The following SMCO4 variants were observed in gnomAD, a reference collection of about 807,000 sequenced individuals.
SMCO4 encodes single-pass membrane protein with coiled-coil domains 4.
In SMCO4, 4 loss-of-function variants were observed where a neutral mutation model predicts 3.6. That is an observed-to-expected ratio of 1.11 (90% CI 0.54 to 2.53). The LOEUF is 2.53. SMCO4 is among the 30% of genes most tolerant of loss of function. The probability of loss-of-function intolerance (pLI) is 0.02; values close to 1 mark genes in which losing one functional copy is unlikely to be tolerated. For missense variants in SMCO4, 70 were observed against 80.8 expected (o/e 0.87, Z 0.51); for synonymous variants, 36 against 35.3 (o/e 1.02, Z -0.07).
rs58462328 is a variant in SMCO4, at chr11:93,514,413, T to TATATACACAC, written c.-153-15066_-153-15065insGTGTGTATAT. Among the ~76,000 whole-genome samples, 101 of 33,952 alleles carry TATATACACAC rather than the reference T, an allele frequency of 3.0e-3. 5 individuals carry two copies. The highest frequency in any genetic ancestry group is 7.9e-3 in the African/African-American group (85 of 10,712). The allele number at this position is 33,952 out of a possible 152,430, so 22.3% of individuals were successfully genotyped here. A position where few individuals can be genotyped will look rare whatever the true frequency, so the allele number is the denominator to read the frequency against. ...ATATATATATATATATATATATATA[T>TATATACACAC]ATATATATAAAATTTGGTCTCTTCC... On this transcript the variant is annotated intron_variant, in intron 1 of 2. Transcript: ENST00000298966.
intron 1 of SMCO4, among the ~76,000 whole-genome samples, chr11:93,514,422 A>ATATATACACATATATAT (rs1948990819): frequency 2.9e-5 from 3 of 103,896 alleles, no homozygotes; most frequent in African/African-American, 7.6e-5. Context: ...ATATATATAT[A>ATATATACACATATATAT]AAATTTGGTC....
chr11:93,534,373 TATAGAGAG>T (rs1307443984), intron 1 of SMCO4, among the ~76,000 whole-genome samples: 5 of 134,184 alleles, frequency 3.7e-5, no homozygotes, highest in South Asian at 4.7e-4. Flanking sequence ...TATATATATA[TATAGAGAG>T]AGAGAGAGAG....
upstream of SMCO4, among the ~76,000 whole-genome samples, chr11:93,547,502 T>A (rs1949322896): frequency 6.6e-6 from 1 of 152,210 alleles, no homozygotes; most frequent in Non-Finnish European, 1.5e-5. Flanking sequence ...TTTTTTTCAC[T>A]GTTCTCATCA....
chr11:93,482,279 A>T (rs1427255548), intron 2 of SMCO4, among the ~76,000 whole-genome samples: 1 of 152,222 alleles, frequency 6.6e-6, no homozygotes, highest in East Asian at 1.9e-4. Flanking sequence ...GAAGAGCACC[A>T]GGCAGAGGGC....
At chr11:93,514,400 A>ATATATATATATATATATG (rs1948987615) in intron 1 of SMCO4, among the ~76,000 whole-genome samples, 1 of 95,878 alleles carries the variant, frequency 1.0e-5, no homozygotes, top group African/African-American at 4.2e-5. Context: ...ATATATATAT[A>ATATATATATATATATATG]TATATATATA....
At chr11:93,552,905 T>C in the SMCO4 span, among the ~76,000 whole-genome samples, 3 of 152,214 alleles carry the variant, frequency 2.0e-5, no homozygotes, top group Non-Finnish European at 4.4e-5. Context: ...TACAGCCTGC[T>C]GGGTTATTTC....
intron 2 of SMCO4, among the ~76,000 whole-genome samples, chr11:93,486,449 C>T (rs577549868): frequency 3.7e-4 from 56 of 152,308 alleles, no homozygotes; most frequent in African/African-American, 1.3e-3. Context: ...CACAAGCCTT[C>T]TTGGTATGTC....
rs1271205813 is a variant in SMCO4 at position 93,514,421 on chromosome 11, T to TATAA, written c.-153-15074_-153-15073insTTAT. On this transcript the variant is annotated intron_variant, in intron 1 of 2. Coordinates refer to ENST00000298966, the MANE Select transcript of SMCO4 (RefSeq NM_020179.3). Reference sequence around the variant, plus strand: ...ATATATATATATATATATATATATATAAAATTTGGTCTCTTCCAAAGATCA... The same window carrying TATAA: ...ATATATATATATATATATATATATATATAAAAAATTTGGTCTCTTCCAAAGATCA... Among the ~76,000 whole-genome samples the TATAA allele has an allele frequency of 2.3e-3, 121 of 53,406 alleles. 2 individuals carry two copies. Among genetic ancestry groups the TATAA allele is most frequent in the African/African-American group, 7.6e-3 (106 of 13,928 alleles). 35.0% of individuals were successfully genotyped at this position (53,406 alleles called of 152,430 possible).
At chr11:93,488,633 A>G (rs1174923917) in intron 2 of SMCO4, among the ~76,000 whole-genome samples, 1 of 152,110 alleles carries the variant, frequency 6.6e-6, no homozygotes, top group Admixed American at 6.5e-5. Flanking sequence ...GGGAAGTTGC[A>G]AGGGGGTGTG....
intron 1 of SMCO4, among the ~76,000 whole-genome samples, chr11:93,522,365 C>G (rs1313076981): frequency 6.6e-6 from 1 of 152,164 alleles, no homozygotes; most frequent in Non-Finnish European, 1.5e-5. Context: ...TACAAGGGAC[C>G]TACCTGGTAC....
At chr11:93,512,050 A>G (rs1948962604) in intron 1 of SMCO4, among the ~76,000 whole-genome samples, 1 of 152,178 alleles carries the variant, frequency 6.6e-6, no homozygotes, top group Admixed American at 6.5e-5. Context: ...GTCTTTATTT[A>G]GAAGTTTGGT....
At chr11:93,485,189 G>A (rs11604909) in intron 2 of SMCO4, among the ~76,000 whole-genome samples, 45 of 152,028 alleles carry the variant, frequency 3.0e-4, no homozygotes, top group African/African-American at 9.6e-4. Flanking sequence ...TACTTTTACC[G>A]GACAGCTTGC....
chr11:93,539,844 G>T (rs146751713), intron 1 of SMCO4, among the ~76,000 whole-genome samples: 1 of 151,824 alleles, frequency 6.6e-6, no homozygotes, highest in East Asian at 1.9e-4. Flanking sequence ...AGCTTTGACC[G>T]TCAGCCAGCC....
intron 2 of SMCO4, chr11:93,481,334 AG>A (rs1948589719): frequency 1.6e-6 from 1 of 613,804 alleles, no homozygotes; most frequent in Non-Finnish European, 2.0e-6. Flanking sequence ...GACGCGGTAC[AG>A]GTGGGCTGAG....
chr11:93,548,497 C>A, the SMCO4 span, among the ~76,000 whole-genome samples: 6 of 152,154 alleles, frequency 3.9e-5, no homozygotes, highest in African/African-American at 1.4e-4. Context: ...AATCATGTAG[C>A]CTGTTTCCTT....
chr11:93,517,548 C>A (rs1373902798), intron 1 of SMCO4, among the ~76,000 whole-genome samples: 1 of 152,144 alleles, frequency 6.6e-6, no homozygotes, highest in Non-Finnish European at 1.5e-5. Flanking sequence ...GAAATCAACT[C>A]CAATTTCTCT....
rs117747597 is a variant in SMCO4, at chr11:93,540,022, A to C, written c.-154+3254T>G. On this transcript the variant is annotated intron_variant, in intron 1 of 2. Coordinates refer to ENST00000298966, the MANE Select transcript of SMCO4 (RefSeq NM_020179.3). ...AGGGAAACCAGCTACATCCATTTTC[A>C]ACTTTCTATCAAAGACCTGTCCTTT... Among the ~76,000 whole-genome samples the C allele has an allele frequency of 6.3e-3, 954 of 151,430 alleles. 4 individuals are homozygous for C. The highest frequency in any genetic ancestry group is 0.011 in the Middle Eastern group (3 of 284).
intron 2 of SMCO4, among the ~76,000 whole-genome samples, chr11:93,491,080 G>A (rs555610725): frequency 6.6e-6 from 1 of 152,364 alleles, no homozygotes; most frequent in East Asian, 1.9e-4. Flanking sequence ...ATCCAAACCT[G>A]TAGGTTCCCT....
rs1982517 is a variant in SMCO4 at position 93,501,394 on chromosome 11, G to A, written c.-153-2046C>T. Among the ~76,000 whole-genome samples the A allele has an allele frequency of 2.9e-3, 436 of 152,320 alleles. 1 individual carries two copies. Among genetic ancestry groups the A allele is most frequent in the African/African-American group, 0.01 (420 of 41,570 alleles). On this transcript the variant is annotated intron_variant, in intron 1 of 2. Transcript: ENST00000298966. The stretch of plus-strand genomic sequence containing the variant: ...TATTAATTCTGAAGGTCAGAAGTCT[G>A]AAATAAACAGGCAATGCCATGCTCC...
Sources: allele counts gnomAD v4.1 joint callset (sites outside exome capture counted in the v4.1 genomes callset), GRCh38; gene constraint gnomAD v4.1.1; transcripts MANE v1.5; gene names NCBI Gene and HGNC (gene_info 2026-07-23, HGNC 2026-07-21).